The following SLC25A26 variants were observed in gnomAD, a reference collection of about 807,000 sequenced individuals.
SLC25A26 encodes mitochondrial S-adenosylmethionine carrier protein.
In SLC25A26, 36 loss-of-function variants were observed where a neutral mutation model predicts 37.8. The ratio of observed to expected loss-of-function variants is 0.95; its 90% CI spans 0.73 to 1.26. The LOEUF is 1.26. Among genes scored for constraint, SLC25A26 ranks in the 50% most tolerant of loss-of-function variants. The pLI is 0.00. For missense variants in SLC25A26, 390 were observed against 331.1 expected, an observed-to-expected ratio of 1.18 and a Z score of -1.38; for synonymous variants, 129 against 122.5, an observed-to-expected ratio of 1.05 and a Z score of -0.35.
At chr3:66,315,278 C>G (rs1241096927) in intron 5 of SLC25A26, among the ~76,000 whole-genome samples, 1 of 152,188 alleles carries the variant, frequency 6.6e-6, no homozygotes, top group East Asian at 1.9e-4. Context: ...AAATTTCCCT[C>G]ATAATGCTGC....
intron 5 of SLC25A26, among the ~76,000 whole-genome samples, chr3:66,322,555 T>C (rs1192753646): frequency 6.6e-6 from 1 of 152,270 alleles, no homozygotes; most frequent in Non-Finnish European, 1.5e-5. Context: ...ATCTTGCCTT[T>C]AACAGACTTT....
At chr3:66,353,812 C>T (rs2076514700) in intron 6 of SLC25A26, among the ~76,000 whole-genome samples, 1 of 152,186 alleles carries the variant, frequency 6.6e-6, no homozygotes, top group South Asian at 2.1e-4. Flanking sequence ...TGAGTTCAGC[C>T]AGAACCGAAT....
intron 5 of SLC25A26, among the ~76,000 whole-genome samples, chr3:66,335,698 C>T (rs1048406850): frequency 2.0e-5 from 3 of 152,146 alleles, no homozygotes; most frequent in African/African-American, 7.2e-5. Flanking sequence ...GAGAAGTAAG[C>T]CAGACACCTC....
intron 1 of SLC25A26, among the ~76,000 whole-genome samples, chr3:66,164,574 T>C (rs914104687): frequency 1.3e-5 from 2 of 152,132 alleles, no homozygotes; most frequent in African/African-American, 4.8e-5. Flanking sequence ...AAGTTTAAAA[T>C]AGGATTACCG....
intron 5 of SLC25A26, among the ~76,000 whole-genome samples, chr3:66,297,345 AAAAG>A (rs1312172801): frequency 6.6e-6 from 1 of 151,736 alleles, no homozygotes; most frequent in Non-Finnish European, 1.5e-5. Context: ...AAAAAAAAAA[AAAAG>A]AATGTCTGGC....
chr3:66,299,669 G>A lies in SLC25A26; in HGVS notation c.453+36290G>A, dbSNP rs897525024. 2.0e-5 allele frequency among the ~76,000 whole-genome samples: 3 copies of A among 152,134 alleles called. No homozygotes were observed. The South Asian group carries it at 6.2e-4, about 31-fold the overall frequency. ...CCAAGGGGGTATGTGTGCATGAGGT[G>A]TGTGTTTATAGAGTAACAGTTAAAT... is the stretch of plus-strand genomic sequence containing the variant. On this transcript the variant is annotated intron_variant, in intron 5 of 9. Transcript: ENST00000354883.
At chr3:66,222,840 A>C (rs892279573) in intron 1 of SLC25A26, among the ~76,000 whole-genome samples, 3 of 152,234 alleles carry the variant, frequency 2.0e-5, no homozygotes, top group Non-Finnish European at 2.9e-5. Flanking sequence ...TGCAGTTAAC[A>C]AAAGAATGGA....
chr3:66,272,046 A>G (rs1164586848), intron 5 of SLC25A26, among the ~76,000 whole-genome samples: 1 of 152,166 alleles, frequency 6.6e-6, no homozygotes, highest in Non-Finnish European at 1.5e-5. Context: ...ATATTGATAT[A>G]TTCATATGTA....
At chr3:66,265,278 G>A (rs1285956429) in intron 5 of SLC25A26, among the ~76,000 whole-genome samples, 1 of 152,076 alleles carries the variant, frequency 6.6e-6, no homozygotes, top group Non-Finnish European at 1.5e-5. Context: ...CTGCACTCCA[G>A]CCTGGGTGAC....
chr3:66,357,623 T>A (rs1461638421), intron 6 of SLC25A26, among the ~76,000 whole-genome samples: 1 of 152,104 alleles, frequency 6.6e-6, no homozygotes, highest in African/African-American at 2.4e-5. Context: ...TTATCCGCCT[T>A]GACAGAAATG....
chr3:66,352,148 C>T lies in SLC25A26; in HGVS notation c.498+5740C>T, dbSNP rs564016916. Among the ~76,000 whole-genome samples, 3 of 152,190 alleles carry T rather than the reference C, an allele frequency of 2.0e-5. No individual in the cohort carries two copies. In the South Asian group the frequency reaches 6.2e-4, roughly 32 times the overall value. On this transcript the variant is annotated intron_variant, in intron 6 of 9. Coordinates refer to ENST00000354883, the MANE Select transcript of SLC25A26 (RefSeq NM_001379210.1). ...CCTGTAGTCCCAACTATGTGGGAGGCTGAGGTGGGAGACTTACTTGAGCTC... is the reference window on the plus strand; with the variant it reads ...CCTGTAGTCCCAACTATGTGGGAGGTTGAGGTGGGAGACTTACTTGAGCTC...
At chr3:66,334,089 G>A (rs575978599) in intron 5 of SLC25A26, among the ~76,000 whole-genome samples, 1 of 152,248 alleles carries the variant, frequency 6.6e-6, no homozygotes, top group Admixed American at 6.5e-5. Context: ...ACAATAGTAG[G>A]TAAAACAGCA....
intron 5 of SLC25A26, among the ~76,000 whole-genome samples, chr3:66,289,811 G>T (rs1307565304): frequency 6.6e-6 from 1 of 152,054 alleles, no homozygotes; most frequent in Non-Finnish European, 1.5e-5. Context: ...GCTCTTTTTT[G>T]ATTACGTATG....
intron 6 of SLC25A26, 52 bp from the exon 7 acceptor site, chr3:66,362,808 C>T (rs1350047665): frequency 1.4e-5 from 19 of 1,341,996 alleles, no homozygotes; most frequent in Admixed American, 2.3e-5. Flanking sequence ...CAGGAGGTTC[C>T]GATAAATTCA....
intron 1 of SLC25A26, among the ~76,000 whole-genome samples, chr3:66,169,925 G>T (rs1419896996): frequency 6.6e-6 from 1 of 152,148 alleles, no homozygotes; most frequent in African/African-American, 2.4e-5. Context: ...ATTTTTCTGG[G>T]GAGAAGAGCA....
chr3:66,256,505 A>G (rs1334643328), intron 3 of SLC25A26, among the ~76,000 whole-genome samples: 4 of 152,222 alleles, frequency 2.6e-5, no homozygotes, highest in African/African-American at 9.6e-5. Context: ...TAGAAAATAT[A>G]GGTAGGTAGA....
intron 1 of SLC25A26, among the ~76,000 whole-genome samples, chr3:66,208,988 A>ATATT (rs2071226113): frequency 8.1e-6 from 1 of 122,858 alleles, no homozygotes; most frequent in African/African-American, 2.9e-5. Flanking sequence ...ATATATATAT[A>ATATT]TTTATGTACC....
At chr3:66,170,167 A>G (rs2070475682) in intron 1 of SLC25A26, among the ~76,000 whole-genome samples, 1 of 152,220 alleles carries the variant, frequency 6.6e-6, no homozygotes, top group Non-Finnish European at 1.5e-5. Context: ...AATACTTGAA[A>G]CTACTTAGGT....
In SLC25A26 at chr3:66,225,528, G is replaced by T. The variant is rs147155462; in HGVS notation, c.33+4401G>T. 3.7e-3 allele frequency among the ~76,000 whole-genome samples: 562 copies of T among 152,286 alleles called. 3 individuals are homozygous for T. Among genetic ancestry groups the T allele is most frequent in the East Asian group, 0.017 (90 of 5,164 alleles). ...CCTAGGCCTCCAGAGCCTGTGATGGGAGGGGCTGCCATGAAGGTCTCTGAC... is the reference window on the plus strand; with the variant it reads ...CCTAGGCCTCCAGAGCCTGTGATGGTAGGGGCTGCCATGAAGGTCTCTGAC... On this transcript the variant is annotated intron_variant, in intron 1 of 9. Transcript: ENST00000354883.
Sources: gnomAD v4.1 joint callset for allele counts (sites outside exome capture counted in the v4.1 genomes callset) on GRCh38, gnomAD v4.1.1 for gene constraint, MANE v1.5 for transcripts, NCBI Gene and HGNC (gene_info 2026-07-23, HGNC 2026-07-21) for gene names.